Variants in ENPEP observed in about 807,000 individuals in gnomAD.
ENPEP encodes the protein glutamyl aminopeptidase.
ENPEP carries 103 observed loss-of-function variants against 114.5 expected under a neutral mutation model. That is an observed-to-expected ratio of 0.90 (90% CI 0.77 to 1.06). The LOEUF is 1.06. Among genes scored for constraint, ENPEP ranks in the 50% least tolerant of loss-of-function variants. The pLI, the probability that ENPEP is intolerant of heterozygous loss-of-function variation, is 0.00. For synonymous variants in ENPEP, 420 were observed against 422.0 expected, an observed-to-expected ratio of 1.00 and a Z score of 0.06; for missense variants, 1,196 against 1,161.3, an observed-to-expected ratio of 1.03 and a Z score of -0.43.
intron 6 of ENPEP, 166 bp from the exon 7 acceptor site, chr4:110,513,249 A>G: frequency 1.6e-6 from 1 of 627,958 alleles, no homozygotes; most frequent in Non-Finnish European, 2.4e-6. Flanking sequence ...CATGAAATCA[A>G]TATAGCTCAA....
In ENPEP at chr4:110,494,058, G is replaced by A. The variant is rs114893222; in HGVS notation, c.918+2894G>A. On this transcript the variant is annotated intron_variant, in intron 3 of 19. Coordinates refer to ENST00000265162, the MANE Select transcript of ENPEP (RefSeq NM_001977.4). Reference sequence around the variant, plus strand: ...TGCACACACACAACCTTTAATTAATGTATTCAAAAATTCAAGAATATGATA... The same window carrying A: ...TGCACACACACAACCTTTAATTAATATATTCAAAAATTCAAGAATATGATA... 8.1e-3 allele frequency among the ~76,000 whole-genome samples: 1,230 copies of A among 152,250 alleles called. 17 individuals are homozygous for A. The highest frequency in any genetic ancestry group is 0.028 in the African/African-American group (1,172 of 41,540).
Position 110,485,217 on chromosome 4 carries a change from A to G in ENPEP, c.645-3324A>G, listed in dbSNP as rs564223350. The stretch of plus-strand genomic sequence containing the variant: ...AGATGTTTAGAAACTTCAATTGACT[A>G]AACTGTTAATGTCACAAAACTAATC... On this transcript the variant is annotated intron_variant, in intron 1 of 19. Coordinates refer to ENST00000265162, the MANE Select transcript of ENPEP (RefSeq NM_001977.4). Among the ~76,000 whole-genome samples, 3 of 152,338 alleles carry G rather than the reference A, an allele frequency of 2.0e-5. No homozygotes were observed. The East Asian group carries it at 5.8e-4, about 29-fold the overall frequency.
chr4:110,529,699 G>T (rs1008850809), intron 10 of ENPEP, among the ~76,000 whole-genome samples: 5 of 152,214 alleles, frequency 3.3e-5, no homozygotes, highest in African/African-American at 1.2e-4. Context: ...TGCTCAGGTA[G>T]CTGGAAGGCA....
chr4:110,534,981 A>T (rs914194117), intron 11 of ENPEP, among the ~76,000 whole-genome samples: 4 of 152,074 alleles, frequency 2.6e-5, no homozygotes, highest in African/African-American at 7.2e-5. Context: ...TTAGAGGTTA[A>T]CTGCATATAT....
chr4:110,545,437 TA>T (rs1406094407), intron 13 of ENPEP, among the ~76,000 whole-genome samples: 6 of 152,040 alleles, frequency 3.9e-5, no homozygotes, highest in Non-Finnish European at 5.9e-5. Flanking sequence ...CTACTTCATT[TA>T]AAGCTTCTCC....
At chr4:110,548,956 G>A (rs1195028841) in intron 14 of ENPEP, among the ~76,000 whole-genome samples, 1 of 152,078 alleles carries the variant, frequency 6.6e-6, no homozygotes, top group Non-Finnish European at 1.5e-5. Flanking sequence ...ATGGGATTGT[G>A]AGGATCAAAT....
chr4:110,486,722 G>A (rs773409472), intron 1 of ENPEP, among the ~76,000 whole-genome samples: 41 of 152,100 alleles, frequency 2.7e-4, no homozygotes, highest in Middle Eastern at 3.2e-3. Context: ...TAAGCAGTCT[G>A]GAATCTTATC....
intron 19 of ENPEP, 87 bp from the exon 20 acceptor site, chr4:110,561,319 A>C: frequency 7.0e-7 from 1 of 1,429,022 alleles, no homozygotes; most frequent in South Asian, 1.2e-5. Context: ...CTAGGTAAGA[A>C]GAAAGCAAAT....
At chr4:110,490,595 A>G (rs951044914) in intron 2 of ENPEP, among the ~76,000 whole-genome samples, 1 of 152,178 alleles carries the variant, frequency 6.6e-6, no homozygotes, top group African/African-American at 2.4e-5. Context: ...TTTGATGTAG[A>G]CAACCAAAGA....
chr4:110,561,610 A>C lies in ENPEP; in HGVS notation c.*52A>C, dbSNP rs1030613326. The C allele has an allele frequency of 1.9e-6, 3 of 1,560,612 alleles. No homozygotes were observed. In the African/African-American group the frequency reaches 4.1e-5, roughly 21 times the overall value. On this transcript the variant is annotated 3_prime_UTR_variant, in exon 20 of 20. Transcript: ENST00000265162. ...TGTGAATCTATTGTTTCTCCTCTGA[A>C]GCATTTGGTGGCCTAATTTACAAGC...
At chr4:110,560,036 A>G (rs1162746070) in intron 19 of ENPEP, among the ~76,000 whole-genome samples, 6 of 152,138 alleles carry the variant, frequency 3.9e-5, no homozygotes, top group Non-Finnish European at 8.8e-5. Context: ...GAGAGAGAAC[A>G]TGCGGTGTTT....
chr4:110,507,953 G>T (rs1470555890), intron 4 of ENPEP, among the ~76,000 whole-genome samples: 4 of 152,162 alleles, frequency 2.6e-5, no homozygotes, highest in African/African-American at 9.7e-5. Flanking sequence ...CTAGGTGACA[G>T]AAGACCTCAT....
intron 18 of ENPEP, among the ~76,000 whole-genome samples, chr4:110,553,850 A>G (rs1727380329): frequency 6.6e-6 from 1 of 152,038 alleles, no homozygotes; most frequent in African/African-American, 2.4e-5. Context: ...TTAGAGTTCT[A>G]TATCATACTG....
chr4:110,485,245 T>A (rs1293069361), intron 1 of ENPEP, among the ~76,000 whole-genome samples: 2 of 152,202 alleles, frequency 1.3e-5, no homozygotes, highest in Non-Finnish European at 2.9e-5. Flanking sequence ...AACTAATCAA[T>A]GATTGTTCTA....
chr4:110,541,801 A>G (rs114261813), intron 11 of ENPEP, among the ~76,000 whole-genome samples: 2,641 of 152,214 alleles, frequency 0.017, 62 homozygotes, highest in African/African-American at 0.06. Context: ...CAACTATACT[A>G]TGTTCCTATA....
chr4:110,555,022 T>C (rs1239361474), intron 18 of ENPEP, among the ~76,000 whole-genome samples: 1 of 152,044 alleles, frequency 6.6e-6, no homozygotes, highest in Non-Finnish European at 1.5e-5. Flanking sequence ...AAATAGGTTT[T>C]GCCTTGTCAT....
rs76990971 is a variant in ENPEP at position 110,482,244 on chromosome 4, A to G, written c.644+5186A>G. Among the ~76,000 whole-genome samples the G allele has an allele frequency of 3.1e-3, 473 of 152,350 alleles. 6 individuals are homozygous for G. Among genetic ancestry groups the G allele is most frequent in the African/African-American group, 9.2e-3 (383 of 41,572 alleles). On this transcript the variant is annotated intron_variant, in intron 1 of 19. Transcript: ENST00000265162. ...CAGGATAGAGAAGAGAGGGCACAGT[A>G]GAGAAAATAGTTTGGAGGTAAAGTA... is the stretch of plus-strand genomic sequence containing the variant.
At chr4:110,502,839 A>G (rs1725211792) in intron 3 of ENPEP, among the ~76,000 whole-genome samples, 1 of 152,116 alleles carries the variant, frequency 6.6e-6, no homozygotes, top group Non-Finnish European at 1.5e-5. Flanking sequence ...ACACCACTGA[A>G]TCTGTGAATT....
At position 110,480,827 on chromosome 4, in the gene ENPEP, G is replaced by A. The variant is rs147323957; in HGVS notation, c.644+3769G>A. The stretch of plus-strand genomic sequence containing the variant: ...GAGAAAGTTTGAGAAACATCCAGTC[G>A]CTTTTCCTTTATCGATCTACCTCTT... On this transcript the variant is annotated intron_variant, in intron 1 of 19. Transcript: ENST00000265162. Among the ~76,000 whole-genome samples the A allele has an allele frequency of 8.7e-3, 1,325 of 152,218 alleles. 15 individuals are homozygous for A. Among genetic ancestry groups the A allele is most frequent in the African/African-American group, 0.03 (1,246 of 41,526 alleles).
Sources: allele counts gnomAD v4.1 joint callset (sites outside exome capture counted in the v4.1 genomes callset), GRCh38; gene constraint gnomAD v4.1.1; transcripts MANE v1.5; gene names NCBI Gene and HGNC (gene_info 2026-07-23, HGNC 2026-07-21).